Variants in SLC25A21 observed in about 807,000 individuals in gnomAD.
SLC25A21 encodes mitochondrial 2-oxodicarboxylate carrier.
A neutral mutation model predicts 43.8 loss-of-function variants in SLC25A21; 47 were observed. The observed-to-expected ratio is 1.07, with a 90% CI of 0.85 to 1.37. The LOEUF is 1.37. Among genes scored for constraint, SLC25A21 ranks in the 40% most tolerant of loss-of-function variants. The pLI is 0.00. For synonymous variants in SLC25A21, 131 were observed against 121.3 expected (o/e 1.08, Z -0.52); for missense variants, 352 against 350.2 (o/e 1.00, Z -0.04).
chr14:36,973,271 G>T (rs1453008795), intron 1 of SLC25A21, among the ~76,000 whole-genome samples: 1 of 152,044 alleles, frequency 6.6e-6, no homozygotes, highest in Non-Finnish European at 1.5e-5. Flanking sequence ...TGTAGTAGGG[G>T]GATGGCAATG....
At chr14:36,921,113 G>A (rs1348999575) in intron 1 of SLC25A21, among the ~76,000 whole-genome samples, 1 of 152,052 alleles carries the variant, frequency 6.6e-6, no homozygotes, top group African/African-American at 2.4e-5. Context: ...CTTAAAAACT[G>A]AATCCTCCTT....
intron 1 of SLC25A21, among the ~76,000 whole-genome samples, chr14:36,927,910 G>GA (rs1207446684): frequency 1.3e-5 from 2 of 152,070 alleles, no homozygotes; most frequent in Non-Finnish European, 2.9e-5. Context: ...CTTAGGAGAG[G>GA]AAAAAACCTT....
At chr14:36,943,720 C>T (rs1892619757) in intron 1 of SLC25A21, among the ~76,000 whole-genome samples, 2 of 152,030 alleles carry the variant, frequency 1.3e-5, no homozygotes, top group South Asian at 2.1e-4. Flanking sequence ...CTCTTTGTAG[C>T]TTACACAGTA....
At chr14:37,062,297 T>C (rs934658899) in intron 1 of SLC25A21, among the ~76,000 whole-genome samples, 1 of 152,122 alleles carries the variant, frequency 6.6e-6, no homozygotes, top group Admixed American at 6.6e-5. Flanking sequence ...TTACCTATTA[T>C]AGGGTAAATG....
rs545597670 is a variant in SLC25A21, at chr14:36,904,374, C to T, written c.71-29370G>A. The stretch of plus-strand genomic sequence containing the variant: ...ATTATAAAATACAGAATGGTTTTTC[C>T]CTTAAATTTCAAAGGTTGCAAGAGA... On this transcript the variant is annotated intron_variant, in intron 1 of 9. Transcript: ENST00000331299. 1.8e-4 allele frequency among the ~76,000 whole-genome samples: 28 copies of T among 152,160 alleles called. 2 individuals are homozygous for T. In the South Asian group the frequency reaches 3.3e-3, roughly 18 times the overall value.
chr14:37,122,869 A>C (rs927333279), intron 1 of SLC25A21, among the ~76,000 whole-genome samples: 2 of 152,190 alleles, frequency 1.3e-5, no homozygotes, highest in East Asian at 1.9e-4. Context: ...CTAGAAATCA[A>C]CCAAAAAATC....
chr14:36,948,143 T>C (rs17177892), intron 1 of SLC25A21, among the ~76,000 whole-genome samples: 4,260 of 152,264 alleles, frequency 0.028, 93 homozygotes, highest in East Asian at 0.11. Flanking sequence ...ATCTACACCA[T>C]GTACACATTC....
Position 36,704,169 on chromosome 14 carries a change from C to T in SLC25A21, c.603+7149G>A, listed in dbSNP as rs546196763. 2.6e-5 allele frequency among the ~76,000 whole-genome samples: 4 copies of T among 152,294 alleles called. 1 individual carries two copies. Among genetic ancestry groups the T allele is most frequent in the African/African-American group, 7.2e-5 (3 of 41,560 alleles). On this transcript the variant is annotated intron_variant, in intron 7 of 9. Coordinates refer to ENST00000331299, the MANE Select transcript of SLC25A21 (RefSeq NM_030631.4). Reference sequence around the variant, plus strand: ...ATTTTCAAACTGGTAATGACCCATTCTTCCAGGGCCGTGTCTCATAATTCG... The same window carrying T: ...ATTTTCAAACTGGTAATGACCCATTTTTCCAGGGCCGTGTCTCATAATTCG...
chr14:36,962,780 T>C (rs2138676096), intron 1 of SLC25A21, among the ~76,000 whole-genome samples: 1 of 152,326 alleles, frequency 6.6e-6, no homozygotes, highest in East Asian at 1.9e-4. Flanking sequence ...TTCAAGATAA[T>C]AAAATACCGT....
chr14:36,710,420 A>AAAAGAAAG (rs375549833), intron 7 of SLC25A21, among the ~76,000 whole-genome samples: 11 of 151,762 alleles, frequency 7.2e-5, no homozygotes, highest in Non-Finnish European at 1.5e-4. Flanking sequence ...ACGGGGAAAA[A>AAAAGAAAG]AAAGAAAGAA....
At chr14:36,972,811 T>TAAA (rs898388932) in intron 1 of SLC25A21, among the ~76,000 whole-genome samples, 30 of 151,784 alleles carry the variant, frequency 2.0e-4, no homozygotes, top group African/African-American at 7.2e-4. Context: ...ATGTGGAACT[T>TAAA]TTTTGTTTGT....
intron 1 of SLC25A21, among the ~76,000 whole-genome samples, chr14:37,035,088 C>T (rs1234823249): frequency 6.6e-6 from 1 of 152,180 alleles, no homozygotes; most frequent in Non-Finnish European, 1.5e-5. Flanking sequence ...TTACATTTGG[C>T]AAAGTGACTC....
intron 1 of SLC25A21, among the ~76,000 whole-genome samples, chr14:36,924,812 G>A (rs889022177): frequency 6.6e-6 from 1 of 152,136 alleles, no homozygotes; most frequent in Non-Finnish European, 1.5e-5. Context: ...GTTTTAGGTA[G>A]TATAAGTAAT....
chr14:36,872,968 G>C (rs848036), intron 2 of SLC25A21, among the ~76,000 whole-genome samples: 130,658 of 152,090 alleles, frequency 0.86, 56,812 homozygotes, highest in Non-Finnish European at 0.93. Flanking sequence ...CAATACACGT[G>C]TGTTGAATGG....
intron 1 of SLC25A21, among the ~76,000 whole-genome samples, chr14:36,880,212 C>G (rs1890673076): frequency 6.6e-6 from 1 of 152,148 alleles, no homozygotes; most frequent in South Asian, 2.1e-4. Flanking sequence ...GCCTGGTCTT[C>G]TCTTTCTCCC....
At chr14:36,962,200 A>G (rs903203192) in intron 1 of SLC25A21, among the ~76,000 whole-genome samples, 3 of 152,154 alleles carry the variant, frequency 2.0e-5, no homozygotes, top group Non-Finnish European at 4.4e-5. Context: ...ATGTTTTTAA[A>G]TATCTTTAAA....
chr14:36,775,580 G>A (rs916034878), intron 3 of SLC25A21, among the ~76,000 whole-genome samples: 2 of 152,138 alleles, frequency 1.3e-5, no homozygotes, highest in East Asian at 3.9e-4. Context: ...GACATCAAGA[G>A]CAAGACTTCG....
At chr14:36,986,399 G>A (rs1360432977) in intron 1 of SLC25A21, among the ~76,000 whole-genome samples, 1 of 151,964 alleles carries the variant, frequency 6.6e-6, no homozygotes, top group Non-Finnish European at 1.5e-5. Context: ...CCAGTTTCCT[G>A]ACCCTATTGG....
At chr14:36,764,190 AAGAGAAAG>A (rs1245741455) in intron 3 of SLC25A21, among the ~76,000 whole-genome samples, 8 of 71,482 alleles carry the variant, frequency 1.1e-4, no homozygotes, top group Middle Eastern at 7.6e-3. Context: ...GAAAGAAAGA[AAGAGAAAG>A]AAAGAAACTG....
Sources: allele counts gnomAD v4.1 joint callset (sites outside exome capture counted in the v4.1 genomes callset), GRCh38; gene constraint gnomAD v4.1.1; transcripts MANE v1.5; gene names NCBI Gene and HGNC (gene_info 2026-07-23, HGNC 2026-07-21).